The following PRDM1 variants were observed in gnomAD, a reference collection of about 807,000 sequenced individuals.
PRDM1 encodes the protein PR domain zinc finger protein 1.
A neutral mutation model predicts 62.8 loss-of-function variants in PRDM1; 13 were observed. The observed-to-expected ratio is 0.21, with a 90% CI of 0.13 to 0.33. The LOEUF (loss-of-function observed/expected upper bound fraction) is 0.33, where lower values mean the gene tolerates loss of function less well. PRDM1 is among the 10% of genes least tolerant of loss of function. The pLI, the probability that PRDM1 is intolerant of heterozygous loss-of-function variation, is 1.00. For missense variants in PRDM1, 895 were observed against 1,058.8 expected (o/e 0.85, Z 2.15); for synonymous variants, 396 against 417.6 (o/e 0.95, Z 0.63).
At chr6:106,026,191 G>A (rs1180156966) in intron 1 of PRDM1, among the ~76,000 whole-genome samples, 1 of 152,056 alleles carries the variant, frequency 6.6e-6, no homozygotes, top group Non-Finnish European at 1.5e-5. Flanking sequence ...TTAAAGAGCA[G>A]AAAATGGCCG....
intron 1 of PRDM1, among the ~76,000 whole-genome samples, chr6:106,054,836 A>G (rs112889002): frequency 0.013 from 2,054 of 152,300 alleles, 20 homozygotes; most frequent in Non-Finnish European, 0.021. Flanking sequence ...TATTTCTTTG[A>G]TCTTTATGAG....
chr6:106,041,693 G>A (rs1010321499), intron 1 of PRDM1, among the ~76,000 whole-genome samples: 6 of 151,862 alleles, frequency 4.0e-5, no homozygotes, highest in East Asian at 3.9e-4. Context: ...AAGTTTGACC[G>A]TATAATAATT....
chr6:106,072,410 T>C (rs1562159607), intron 1 of PRDM1, among the ~76,000 whole-genome samples: 1 of 152,226 alleles, frequency 6.6e-6, no homozygotes, highest in Non-Finnish European at 1.5e-5. Context: ...AAGTGCAGCA[T>C]GCAATTGGGT....
chr6:106,064,344 A>C (rs1003296419), intron 1 of PRDM1, among the ~76,000 whole-genome samples: 2 of 152,236 alleles, frequency 1.3e-5, no homozygotes, highest in Admixed American at 6.5e-5. Context: ...TTCACAGGGC[A>C]GTCACAGTGA....
chr6:106,086,585 G>A lies in PRDM1; in HGVS notation c.32G>A (p.Gly11Asp), dbSNP rs1372169495. Residue 11 changes from glycine (G) to aspartate (D), a missense_variant, in exon 1 of 7, where the codon GGT (glycine) becomes GAT (aspartate). Physicochemically the swap from Gly to Asp is moderately conservative, Grantham distance 94. Around this residue, in one of 4 missense-constraint regions of PRDM1, gnomAD observed 213 missense variants for 283.9 expected, o/e 0.75. Coordinates refer to ENST00000369096, the MANE Select transcript of PRDM1 (RefSeq NM_001198.4). MLDICLEKRV[G>D]TTLAAPKCNS... Reference sequence around the variant, plus strand: ...GATATTTGCTTGGAAAAACGTGTGGGTACGACCTTGGTAAGGAACTTGAAT... The same window carrying A: ...GATATTTGCTTGGAAAAACGTGTGGATACGACCTTGGTAAGGAACTTGAAT... 1 of 1,551,738 alleles carries A rather than the reference G, an allele frequency of 6.4e-7. No homozygotes were observed. Among genetic ancestry groups the A allele is most frequent in the Non-Finnish European group, 8.7e-7 (1 of 1,146,546 alleles).
intron 1 of PRDM1, among the ~76,000 whole-genome samples, chr6:106,026,778 A>G (rs1048646276): frequency 9.9e-5 from 15 of 152,236 alleles, no homozygotes; most frequent in African/African-American, 3.4e-4. Context: ...AAAGGAGACC[A>G]TAGAATAAGA....
rs1241973444 is a variant in PRDM1, at chr6:106,106,750, C to A, written c.1903-161C>A. Among the ~76,000 whole-genome samples, 1 of 152,154 alleles carries A rather than the reference C, an allele frequency of 6.6e-6. No homozygotes were observed. The highest frequency in any genetic ancestry group is 1.5e-5 in the Non-Finnish European group (1 of 68,030). ...CCCCTCGTGTGCTGTGTGCCCACATCCCCCCGTTTGCTTAATACCACACTG... is the reference window on the plus strand; with the variant it reads ...CCCCTCGTGTGCTGTGTGCCCACATACCCCCGTTTGCTTAATACCACACTG... On this transcript the variant is annotated intron_variant, in intron 6 of 6. Transcript: ENST00000369096. The surrounding 1 kb of genome is among the most constrained non-coding windows in gnomAD (Gnocchi z 4.4).
chr6:106,018,293 A>G (rs1304586999), intron 1 of PRDM1, among the ~76,000 whole-genome samples: 1 of 152,230 alleles, frequency 6.6e-6, no homozygotes, highest in Admixed American at 6.5e-5. Flanking sequence ...TAAGTAGACC[A>G]TAATTTTTTA....
At chr6:106,055,318 A>G (rs1773247069) in intron 1 of PRDM1, among the ~76,000 whole-genome samples, 1 of 152,206 alleles carries the variant, frequency 6.6e-6, no homozygotes, top group Admixed American at 6.5e-5. Flanking sequence ...TGTGAACAAA[A>G]TCTGATCATT....
At chr6:106,058,505 C>T (rs1261518154) in intron 1 of PRDM1, among the ~76,000 whole-genome samples, 1 of 152,170 alleles carries the variant, frequency 6.6e-6, no homozygotes, top group Non-Finnish European at 1.5e-5. Flanking sequence ...CCATTGCAGC[C>T]TCAAGACAAT....
intron 1 of PRDM1, among the ~76,000 whole-genome samples, chr6:106,061,412 T>TC (rs1773342934): frequency 6.6e-6 from 1 of 152,210 alleles, no homozygotes; most frequent in Admixed American, 6.5e-5. Context: ...TTCCAGCAGT[T>TC]CAGCTCTGCC....
intron 1 of PRDM1, among the ~76,000 whole-genome samples, chr6:106,079,829 C>A (rs948546032): frequency 6.6e-6 from 1 of 152,076 alleles, no homozygotes; most frequent in African/African-American, 2.4e-5. Context: ...AAACCCAACA[C>A]GTGATTCATG....
chr6:106,066,124 C>T (rs943892881), intron 1 of PRDM1, among the ~76,000 whole-genome samples: 1 of 152,156 alleles, frequency 6.6e-6, no homozygotes, highest in Non-Finnish European at 1.5e-5. Context: ...CTATGGTTTC[C>T]GCTTGCTCCT....
At chr6:106,010,231 G>C (rs766471144) in intron 1 of PRDM1, among the ~76,000 whole-genome samples, 6 of 152,182 alleles carry the variant, frequency 3.9e-5, no homozygotes, top group Middle Eastern at 3.4e-3. Context: ...TTCGACAGGC[G>C]TTTCTAATCC....
chr6:106,031,615 A>G lies in PRDM1; in HGVS notation c.-67+37976A>G, dbSNP rs527641991. On this transcript the variant is annotated intron_variant, in intron 1 of 6. Coordinates refer to the PRDM1 transcript ENST00000652320. ...GTTTGAAATTGAGGTTGTGGAAACC[A>G]GTGAGACCACCAAGGTGGGAAACAT... Among the ~76,000 whole-genome samples, 5 of 152,356 alleles carry G rather than the reference A, an allele frequency of 3.3e-5. No individual in the cohort carries two copies. The South Asian group carries it at 8.3e-4, about 25-fold the overall frequency.
At chr6:106,001,877 A>G (rs541856956) in intron 1 of PRDM1, among the ~76,000 whole-genome samples, 1 of 152,320 alleles carries the variant, frequency 6.6e-6, no homozygotes, top group South Asian at 2.1e-4. Context: ...TATAAAAAGT[A>G]TTTTTGAGCT....
chr6:106,020,388 C>T (rs912358831), intron 1 of PRDM1, among the ~76,000 whole-genome samples: 1 of 152,064 alleles, frequency 6.6e-6, no homozygotes, highest in African/African-American at 2.4e-5. Context: ...CAACCTCAAA[C>T]TCCTGGCCTC....
At chr6:106,041,871 T>G (rs1686976274) in intron 1 of PRDM1, among the ~76,000 whole-genome samples, 1 of 149,012 alleles carries the variant, frequency 6.7e-6, no homozygotes, top group Admixed American at 6.8e-5. Flanking sequence ...ATAATGGCAC[T>G]ATATTGGCTG....
At chr6:106,014,474 A>T (rs1209291316) in intron 1 of PRDM1, among the ~76,000 whole-genome samples, 1 of 152,000 alleles carries the variant, frequency 6.6e-6, no homozygotes. Flanking sequence ...AGTATTGAAC[A>T]AAGGACTTGG....
Sources: allele counts gnomAD v4.1 joint callset (sites outside exome capture counted in the v4.1 genomes callset), GRCh38; gene constraint gnomAD v4.1.1; regional missense constraint gnomAD v4.1.1; non-coding constraint Gnocchi (gnomAD v3.1); transcripts MANE v1.5; gene names NCBI Gene and HGNC (gene_info 2026-07-23, HGNC 2026-07-21).